Variants in MGST2 observed in about 807,000 individuals in gnomAD.
MGST2 encodes glutathione peroxidase MGST2.
A neutral mutation model predicts 16.6 loss-of-function variants in MGST2; 9 were observed. That is an observed-to-expected ratio of 0.54 (90% CI 0.33 to 0.95). MGST2 has a LOEUF of 0.95. MGST2 is among the 40% of genes least tolerant of loss of function. MGST2 has a pLI of 0.03. For synonymous variants in MGST2, 79 were observed against 68.0 expected (o/e 1.16, Z -0.79); for missense variants, 159 against 175.1 (o/e 0.91, Z 0.52).
downstream of MGST2, among the ~76,000 whole-genome samples, chr4:139,709,008 A>AG (rs1727632250): frequency 6.6e-6 from 1 of 150,954 alleles, no homozygotes; most frequent in Non-Finnish European, 1.5e-5. Flanking sequence ...TCAAAAAAAA[A>AG]AAAAAAAGAA....
the MGST2 span, among the ~76,000 whole-genome samples, chr4:139,750,672 A>G: frequency 1.2e-4 from 19 of 152,222 alleles, no homozygotes; most frequent in Admixed American, 1.2e-3. Flanking sequence ...ATAAATTTAA[A>G]GAGGTAGTTA....
intron 2 of MGST2, among the ~76,000 whole-genome samples, chr4:139,686,592 A>G (rs57783161): frequency 0.032 from 4,913 of 152,334 alleles, 181 homozygotes; most frequent in East Asian, 0.19. Context: ...GTCAGCAATC[A>G]TTAGTATCTA....
chr4:139,674,495 GGTGTCTAGGCA>G (rs1730867005), intron 1 of MGST2, among the ~76,000 whole-genome samples: 1 of 148,028 alleles, frequency 6.8e-6, no homozygotes, highest in East Asian at 2.0e-4. Context: ...TTTTTTATCT[GGTGTCTAGGCA>G]AAGTGGCTCA....
intron 5 of MGST2, chr4:139,719,419 G>T: frequency 6.2e-7 from 1 of 1,614,010 alleles, no homozygotes; most frequent in Non-Finnish European, 8.5e-7. Context: ...CGTCCGGGAG[G>T]CCAGGGAAGG....
chr4:139,719,048 C>T (rs548921471), intron 5 of MGST2: 8 of 416,126 alleles, frequency 1.9e-5, no homozygotes, highest in Admixed American at 8.4e-5. Flanking sequence ...GGGCTCTGGC[C>T]GGCTTCATCT....
chr4:139,745,955 T>G, the MGST2 span, among the ~76,000 whole-genome samples: 9 of 152,350 alleles, frequency 5.9e-5, no homozygotes, highest in African/African-American at 2.2e-4. Context: ...TTCCTTAACT[T>G]GTTTCTCCAA....
chr4:139,696,037 G>C (rs1726902262), intron 3 of MGST2, among the ~76,000 whole-genome samples: 1 of 152,134 alleles, frequency 6.6e-6, no homozygotes, highest in Admixed American at 6.5e-5. Context: ...TTGCAATAAA[G>C]CAAGCTAGGG....
At chr4:139,692,889 G>A (rs1290356242) in intron 2 of MGST2, among the ~76,000 whole-genome samples, 1 of 152,084 alleles carries the variant, frequency 6.6e-6, no homozygotes, top group Non-Finnish European at 1.5e-5. Context: ...TTATCTCTTT[G>A]TCCCCAGATG....
chr4:139,695,168 A>G (rs1286160486), intron 2 of MGST2, 29 bp from the exon 3 acceptor site: 14 of 1,515,968 alleles, frequency 9.2e-6, no homozygotes, highest in Non-Finnish European at 1.3e-5. Flanking sequence ...TTCTCATAAA[A>G]TAACCTATGT....
chr4:139,713,852 C>T (rs1727834315), intron 5 of MGST2, among the ~76,000 whole-genome samples: 1 of 152,184 alleles, frequency 6.6e-6, no homozygotes, highest in Non-Finnish European at 1.5e-5. Flanking sequence ...CGAACCCTGG[C>T]TACCAATATG....
In MGST2 at chr4:139,709,391, G is replaced by A. The variant is rs560382094; in HGVS notation, c.*48+5195G>A. Among the ~76,000 whole-genome samples the A allele has an allele frequency of 3.9e-5, 6 of 152,144 alleles. No homozygotes were observed. In the East Asian group the frequency reaches 9.7e-4, roughly 25 times the overall value. On this transcript the variant is annotated intron_variant, in intron 5 of 5. Transcript: ENST00000616265. ...AGCCATCACGCCCGGCCAGACAATG[G>A]AAACAATTTAAGCATGGAATACAGA... is the stretch of plus-strand genomic sequence containing the variant.
At chr4:139,728,946 A>G (rs1399463675) in intron 5 of MGST2, among the ~76,000 whole-genome samples, 1 of 152,122 alleles carries the variant, frequency 6.6e-6, no homozygotes, top group South Asian at 2.1e-4. Context: ...CACACCTGAG[A>G]TTTCCTGGGA....
chr4:139,703,127 T>C (rs1727363691), intron 3 of MGST2, among the ~76,000 whole-genome samples: 4 of 151,744 alleles, frequency 2.6e-5, no homozygotes, highest in African/African-American at 7.3e-5. Flanking sequence ...GGTTTCACAA[T>C]GTTGGCCAGG....
At chr4:139,667,468 A>G (rs956825513) in intron 1 of MGST2, among the ~76,000 whole-genome samples, 1 of 119,640 alleles carries the variant, frequency 8.4e-6, no homozygotes, top group African/African-American at 3.3e-5. Context: ...AACTGGGGCC[A>G]GAATGTTAGG....
chr4:139,702,601 C>T (rs1579331710), intron 3 of MGST2, among the ~76,000 whole-genome samples: 1 of 151,982 alleles, frequency 6.6e-6, no homozygotes. Context: ...GGACTGTTTC[C>T]AGTTTTTGTC....
At chr4:139,666,105 TGC>T (rs72152182) in intron 1 of MGST2, 28 bp downstream of exon 1, 341,567 of 1,579,720 alleles carry the variant, frequency 0.22, 43,452 homozygotes, top group African/African-American at 0.51. Context: ...TTCGTGTGTG[TGC>T]GCGTGTGTGC....
At chr4:139,691,430 A>C (rs1399552237) in intron 2 of MGST2, among the ~76,000 whole-genome samples, 2 of 152,186 alleles carry the variant, frequency 1.3e-5, no homozygotes, top group Non-Finnish European at 2.9e-5. Flanking sequence ...CCTTGAGTTA[A>C]ACATGCCTGC....
chr4:139,710,268 G>A (rs970224112), intron 5 of MGST2, among the ~76,000 whole-genome samples: 1 of 152,132 alleles, frequency 6.6e-6, no homozygotes, highest in Non-Finnish European at 1.5e-5. Flanking sequence ...AGTGAAATAC[G>A]TCTTTCTCAC....
At chr4:139,694,889 C>G (rs1726827839) in intron 2 of MGST2, among the ~76,000 whole-genome samples, 1 of 152,176 alleles carries the variant, frequency 6.6e-6, no homozygotes, top group Admixed American at 6.5e-5. Context: ...ATTGAGTAAT[C>G]TCTTAAGTTC....
Sources: gnomAD v4.1 joint callset for allele counts (sites outside exome capture counted in the v4.1 genomes callset) on GRCh38, gnomAD v4.1.1 for gene constraint, MANE v1.5 for transcripts, NCBI Gene and HGNC (gene_info 2026-07-23, HGNC 2026-07-21) for gene names.